The following ERBB4 variants were observed in gnomAD, a reference collection of about 807,000 sequenced individuals.
The protein encoded by ERBB4 is erb-b2 receptor tyrosine kinase 4.
ERBB4 carries 42 observed loss-of-function variants against 158.0 expected under a neutral mutation model. The ratio of observed to expected loss-of-function variants is 0.27; its 90% CI spans 0.21 to 0.34. The LOEUF is 0.34. ERBB4 is among the 10% of genes least tolerant of loss of function. The pLI, the probability that ERBB4 is intolerant of heterozygous loss-of-function variation, is 1.00. For missense variants in ERBB4, 1,333 were observed against 1,624.1 expected (o/e 0.82, Z 3.08); for synonymous variants, 583 against 558.7 (o/e 1.04, Z -0.61).
intron 3 of ERBB4, among the ~76,000 whole-genome samples, chr2:211,805,999 C>A (rs1281105897): frequency 6.6e-6 from 1 of 151,532 alleles, no homozygotes; most frequent in East Asian, 1.9e-4. Context: ...TCCAGGAAGT[C>A]AAGCATTACA....
chr2:211,826,828 C>T (rs1019847147), intron 3 of ERBB4, among the ~76,000 whole-genome samples: 2 of 151,992 alleles, frequency 1.3e-5, no homozygotes, highest in African/African-American at 4.8e-5. Flanking sequence ...TTTATCAAAA[C>T]ATTTTAATGA....
chr2:212,085,719 T>C (rs544899184), intron 2 of ERBB4, among the ~76,000 whole-genome samples: 1 of 152,030 alleles, frequency 6.6e-6, no homozygotes, highest in Admixed American at 6.6e-5. Context: ...AAAACTATGT[T>C]ATTTGTTAAT....
intron 1 of ERBB4, among the ~76,000 whole-genome samples, chr2:212,235,138 G>C (rs2083815343): frequency 6.6e-6 from 1 of 152,114 alleles, no homozygotes; most frequent in African/African-American, 2.4e-5. Context: ...AATCCATCTT[G>C]ACTTAATTTT....
At chr2:211,709,809 G>A (rs1437701028) in intron 9 of ERBB4, among the ~76,000 whole-genome samples, 3 of 152,016 alleles carry the variant, frequency 2.0e-5, no homozygotes, top group Non-Finnish European at 2.9e-5. Flanking sequence ...CCAAAAAGTC[G>A]AGAAGCAATT....
chr2:211,442,401 TCCATCCATCCATCCAA>T (rs925474047), intron 20 of ERBB4, among the ~76,000 whole-genome samples: 2 of 151,984 alleles, frequency 1.3e-5, no homozygotes, highest in Non-Finnish European at 2.9e-5. Context: ...CATCCATCCA[TCCATCCATCCATCCAA>T]CCATCCATCT....
At chr2:211,499,174 G>T (rs1048883767) in intron 20 of ERBB4, among the ~76,000 whole-genome samples, 1 of 152,034 alleles carries the variant, frequency 6.6e-6, no homozygotes, top group African/African-American at 2.4e-5. Flanking sequence ...TGGGCCAGTT[G>T]CCTTTTATAC....
At chr2:211,740,811 T>C (rs1199078993) in intron 5 of ERBB4, among the ~76,000 whole-genome samples, 5 of 151,930 alleles carry the variant, frequency 3.3e-5, no homozygotes, top group East Asian at 1.9e-4. Flanking sequence ...GGGGTTTCAC[T>C]GTGTTAGCCA....
At chr2:211,523,873 G>C (rs751694453) in intron 20 of ERBB4, among the ~76,000 whole-genome samples, 5 of 152,094 alleles carry the variant, frequency 3.3e-5, no homozygotes, top group Admixed American at 2.6e-4. Context: ...CTGCTGATTG[G>C]TAGAGCCGAG....
rs770003740 is a variant in ERBB4, at chr2:211,679,100, C to T, written c.1574G>A (p.Arg525His). 14 of 1,613,384 alleles carry T rather than the reference C, an allele frequency of 8.7e-6. No individual in the cohort carries two copies. The highest frequency in any genetic ancestry group is 4.0e-5 in the African/African-American group (3 of 74,906). ...TATGCAGATCCTTCCTCTACTGAAG[C>T]GGCGACACGACAGACATTGGTCTGG... The part of the protein sequence containing the change: ...PGPDQCLSCR[R>H]FSRGRICIES... The change falls in exon 13 of 28, where the codon CGC becomes CAC. Residue 525 changes from arginine (R) to histidine (H), a missense_variant. Transcript: ENST00000342788.
intron 2 of ERBB4, among the ~76,000 whole-genome samples, chr2:212,104,398 T>A (rs2079166412): frequency 1.3e-5 from 2 of 152,090 alleles, no homozygotes; most frequent in Admixed American, 1.3e-4. Context: ...ATCCCATACA[T>A]GTTCAAATAA....
intron 3 of ERBB4, among the ~76,000 whole-genome samples, chr2:211,851,411 A>C (rs1029991413): frequency 6.6e-6 from 1 of 151,988 alleles, no homozygotes; most frequent in African/African-American, 2.4e-5. Flanking sequence ...TTAAAATATA[A>C]CTAGGTCAAA....
At chr2:212,130,985 A>T (rs537543163) in intron 1 of ERBB4, among the ~76,000 whole-genome samples, 2 of 152,340 alleles carry the variant, frequency 1.3e-5, no homozygotes, top group East Asian at 3.9e-4. Context: ...CCTTGGATTT[A>T]TGCATATTGT....
At chr2:212,470,098 G>A (rs1188137955) in intron 1 of ERBB4, among the ~76,000 whole-genome samples, 2 of 151,952 alleles carry the variant, frequency 1.3e-5, no homozygotes, top group Non-Finnish European at 2.9e-5. Context: ...TGTCCGGTTT[G>A]TCTGTTATAC....
chr2:211,407,752 C>T (rs1446345526), intron 25 of ERBB4, among the ~76,000 whole-genome samples: 1 of 152,164 alleles, frequency 6.6e-6, no homozygotes, highest in Non-Finnish European at 1.5e-5. Flanking sequence ...TTAGAACACG[C>T]TGCTATGTCA....
At chr2:212,290,573 G>A (rs2086167525) in intron 1 of ERBB4, among the ~76,000 whole-genome samples, 3 of 152,104 alleles carry the variant, frequency 2.0e-5, no homozygotes. Flanking sequence ...AGTGGGACAA[G>A]ATCTCTTATT....
chr2:211,621,943 G>A (rs957889061), intron 18 of ERBB4, among the ~76,000 whole-genome samples: 2 of 152,006 alleles, frequency 1.3e-5, no homozygotes, highest in Non-Finnish European at 2.9e-5. Flanking sequence ...CTGTGAATAC[G>A]GAGATTTGTA....
chr2:211,482,644 G>A (rs111326097), intron 20 of ERBB4, among the ~76,000 whole-genome samples: 6,273 of 152,218 alleles, frequency 0.041, 420 homozygotes, highest in African/African-American at 0.14. Flanking sequence ...AGTGGCTCAC[G>A]CCTGTAATCC....
chr2:211,958,771 A>G (rs540890431), intron 2 of ERBB4, among the ~76,000 whole-genome samples: 2 of 152,196 alleles, frequency 1.3e-5, no homozygotes, highest in South Asian at 4.1e-4. Context: ...TTCTCTTTCT[A>G]AGGTTTATTT....
intron 1 of ERBB4, among the ~76,000 whole-genome samples, chr2:212,132,731 A>T (rs2080143700): frequency 6.6e-6 from 1 of 152,026 alleles, no homozygotes; most frequent in Admixed American, 6.5e-5. Flanking sequence ...AGCCTCCATA[A>T]TTGTGTGAGC....
Sources: gnomAD v4.1 joint callset for allele counts (sites outside exome capture counted in the v4.1 genomes callset) on GRCh38, gnomAD v4.1.1 for gene constraint, MANE v1.5 for transcripts, NCBI Gene and HGNC (gene_info 2026-07-23, HGNC 2026-07-21) for gene names.